Variants in RIMS2 observed in about 807,000 individuals in gnomAD.
RIMS2 encodes regulating synaptic membrane exocytosis protein 2.
In RIMS2, 59 loss-of-function variants were observed where a neutral mutation model predicts 174.4. The observed-to-expected ratio is 0.34, with a 90% confidence interval of 0.27 to 0.42. The LOEUF is 0.42. RIMS2 is among the 10% of genes least tolerant of loss of function. The pLI, the probability that RIMS2 is intolerant of heterozygous loss-of-function variation, is 1.00. For missense variants in RIMS2, 1,620 were observed against 1,666.3 expected, an observed-to-expected ratio of 0.97 and a Z score of 0.48; for synonymous variants, 606 against 572.5, an observed-to-expected ratio of 1.06 and a Z score of -0.84.
intron 3 of RIMS2, among the ~76,000 whole-genome samples, chr8:103,815,121 A>G (rs534724349): frequency 1.3e-5 from 2 of 152,268 alleles, no homozygotes; most frequent in Admixed American, 6.5e-5. Context: ...CCCAGAGATA[A>G]TCAATATTAT....
At chr8:104,117,475 A>C (rs1479288382) in intron 19 of RIMS2, among the ~76,000 whole-genome samples, 1 of 151,956 alleles carries the variant, frequency 6.6e-6, no homozygotes, top group Non-Finnish European at 1.5e-5. Flanking sequence ...TGCAGCCTCA[A>C]ACTCCTGTGC....
intron 1 of RIMS2, among the ~76,000 whole-genome samples, chr8:103,595,906 T>C (rs2094462205): frequency 6.6e-6 from 1 of 151,996 alleles, no homozygotes; most frequent in Admixed American, 6.6e-5. Flanking sequence ...AGGTTTTTGT[T>C]CTTGTTTTTG....
chr8:103,925,986 T>TGAA (rs1363353322), intron 10 of RIMS2, among the ~76,000 whole-genome samples: 1 of 151,488 alleles, frequency 6.6e-6, no homozygotes, highest in African/African-American at 2.4e-5. Flanking sequence ...AACTCATGGG[T>TGAA]GAAGATTAGG....
chr8:104,016,319 A>G (rs1230512175), intron 19 of RIMS2, among the ~76,000 whole-genome samples: 1 of 152,096 alleles, frequency 6.6e-6, no homozygotes, highest in Non-Finnish European at 1.5e-5. Context: ...ATATGTTTAT[A>G]TTAAATTCGT....
At chr8:103,578,424 G>A (rs889431105) in intron 1 of RIMS2, among the ~76,000 whole-genome samples, 1 of 151,750 alleles carries the variant, frequency 6.6e-6, no homozygotes, top group African/African-American at 2.4e-5. Context: ...CCAGCTACTC[G>A]GGAGACTGAG....
chr8:104,250,670 A>G (rs978566266), intron 22 of RIMS2, among the ~76,000 whole-genome samples: 1 of 152,206 alleles, frequency 6.6e-6, no homozygotes, highest in South Asian at 2.1e-4. Flanking sequence ...GAATGAAACA[A>G]TATAGCTTCA....
At chr8:104,064,320 G>A (rs902690714) in intron 19 of RIMS2, among the ~76,000 whole-genome samples, 6 of 151,626 alleles carry the variant, frequency 4.0e-5, no homozygotes, top group Non-Finnish European at 5.9e-5. Context: ...ATTTTTTTTC[G>A]TCAGTGGCTG....
intron 4 of RIMS2, chr8:103,910,048 C>A: frequency 1.3e-6 from 1 of 765,230 alleles, no homozygotes; most frequent in Non-Finnish European, 2.3e-6. Flanking sequence ...CAGACAGGAT[C>A]ACACAGTTTA....
At chr8:104,063,663 A>G (rs2097048670) in intron 19 of RIMS2, among the ~76,000 whole-genome samples, 1 of 152,142 alleles carries the variant, frequency 6.6e-6, no homozygotes, top group Admixed American at 6.6e-5. Context: ...TTGAGTTTGC[A>G]TATTGGGCTT....
intron 13 of RIMS2, 128 bp downstream of exon 15, chr8:103,936,850 C>T (rs907772504): frequency 6.4e-6 from 4 of 624,040 alleles, no homozygotes; most frequent in Non-Finnish European, 7.8e-6. Context: ...AATCTCAGCA[C>T]TTTGGGAGGC....
chr8:104,070,400 C>T lies in RIMS2; in HGVS notation c.3334+55785C>T, dbSNP rs902755134. 3.9e-5 allele frequency among the ~76,000 whole-genome samples: 6 copies of T among 152,282 alleles called. No homozygotes were observed. The East Asian group carries it at 9.6e-4, about 24-fold the overall frequency. On this transcript the variant is annotated intron_variant, in intron 19 of 23. Transcript: ENST00000504942. ...CTCAGTAGGTTCTAAATTTCTAGAA[C>T]TTTTTCACTAAAATGAAAATATGAA...
At chr8:103,925,080 T>C (rs1595258768) in intron 10 of RIMS2, among the ~76,000 whole-genome samples, 1 of 151,616 alleles carries the variant, frequency 6.6e-6, no homozygotes, top group South Asian at 2.1e-4. Context: ...TTTTAATTAG[T>C]TTGTAGTCTT....
At chr8:103,585,500 A>T (rs975821651) in intron 1 of RIMS2, among the ~76,000 whole-genome samples, 5 of 152,350 alleles carry the variant, frequency 3.3e-5, no homozygotes, top group Non-Finnish European at 7.3e-5. Context: ...CATCAATGAT[A>T]CACTGGATAA....
chr8:104,120,154 ATCT>A (rs751829366), intron 19 of RIMS2, among the ~76,000 whole-genome samples: 1 of 152,198 alleles, frequency 6.6e-6, no homozygotes, highest in Non-Finnish European at 1.5e-5. Flanking sequence ...AAACCAGATG[ATCT>A]TCAAGTCTCC....
chr8:104,188,055 A>C (rs1281602987), intron 19 of RIMS2, among the ~76,000 whole-genome samples: 1 of 151,784 alleles, frequency 6.6e-6, no homozygotes, highest in Non-Finnish European at 1.5e-5. Context: ...AAGTAATCAC[A>C]TATAATAGTA....
intron 19 of RIMS2, among the ~76,000 whole-genome samples, chr8:104,038,254 G>A (rs943194766): frequency 2.0e-5 from 3 of 151,662 alleles, no homozygotes; most frequent in Non-Finnish European, 4.4e-5. Context: ...ATTGTAATTT[G>A]TGAAAATATT....
chr8:104,126,584 T>G (rs972806718), intron 19 of RIMS2, among the ~76,000 whole-genome samples: 2 of 152,184 alleles, frequency 1.3e-5, no homozygotes, highest in African/African-American at 4.8e-5. Flanking sequence ...TTCAGTTTCT[T>G]CAACAGCAAA....
chr8:103,750,980 G>C (rs2097882109), intron 2 of RIMS2, among the ~76,000 whole-genome samples: 1 of 152,118 alleles, frequency 6.6e-6, no homozygotes, highest in South Asian at 2.1e-4. Flanking sequence ...TTGTTCTCCT[G>C]ATAGAGAATA....
intron 19 of RIMS2, among the ~76,000 whole-genome samples, chr8:104,139,167 A>G (rs1018141761): frequency 6.6e-6 from 1 of 152,146 alleles, no homozygotes; most frequent in Non-Finnish European, 1.5e-5. Context: ...TGGTTAATAT[A>G]GCTCTGTAGT....
Sources: allele counts gnomAD v4.1 joint callset (sites outside exome capture counted in the v4.1 genomes callset), GRCh38; gene constraint gnomAD v4.1.1; transcripts MANE v1.5; gene names NCBI Gene and HGNC (gene_info 2026-07-23, HGNC 2026-07-21).